Variants in SEC11A observed in about 807,000 individuals in gnomAD.
SEC11A encodes the protein signal peptidase complex catalytic subunit SEC11A.
In SEC11A, 14 loss-of-function variants were observed where a neutral mutation model predicts 25.6. The observed-to-expected ratio is 0.55, with a 90% confidence interval of 0.36 to 0.85. The LOEUF is 0.85. SEC11A is among the 40% of genes least tolerant of loss of function. The pLI is 0.01. For missense variants in SEC11A, 153 were observed against 222.9 expected, an observed-to-expected ratio of 0.69 and a Z score of 2.00; for synonymous variants, 83 against 76.4, an observed-to-expected ratio of 1.09 and a Z score of -0.45.
intron 3 of SEC11A, among the ~76,000 whole-genome samples, chr15:84,682,950 TA>T (rs1897317504): frequency 6.6e-6 from 1 of 152,144 alleles, no homozygotes; most frequent in African/African-American, 2.4e-5. Context: ...TATGGGCTAA[TA>T]TCCACTTAGA....
At chr15:84,679,846 G>A (rs1255212652) in intron 4 of SEC11A, 2 of 930,038 alleles carry the variant, frequency 2.2e-6, no homozygotes, top group Admixed American at 2.3e-5. Flanking sequence ...TACACAATAA[G>A]CCCTAATAAA....
chr15:84,703,633 C>G (rs1340098560), intron 1 of SEC11A, among the ~76,000 whole-genome samples: 1 of 152,100 alleles, frequency 6.6e-6, no homozygotes, highest in African/African-American at 2.4e-5. Context: ...CAGCTTCAAG[C>G]GATACAGCAG....
At chr15:84,700,929 G>A (rs1016664662) in intron 1 of SEC11A, among the ~76,000 whole-genome samples, 96 of 132,864 alleles carry the variant, frequency 7.2e-4, no homozygotes, top group Admixed American at 4.5e-4. Context: ...GCAGTAAGCC[G>A]ACATCACGCC....
chr15:84,696,282 T>C (rs1475745713), intron 1 of SEC11A, among the ~76,000 whole-genome samples: 1 of 152,178 alleles, frequency 6.6e-6, no homozygotes, highest in Non-Finnish European at 1.5e-5. Context: ...TTCTATGTTT[T>C]CAAGATGGTG....
chr15:84,700,661 A>G (rs1897906698), intron 1 of SEC11A, among the ~76,000 whole-genome samples: 1 of 147,074 alleles, frequency 6.8e-6, no homozygotes, highest in Non-Finnish European at 1.5e-5. Context: ...AAGTTAGCAC[A>G]TTAAGTAGAG....
intron 2 of SEC11A, 73 bp downstream of exon 2, chr15:84,691,462 A>G (rs1357611607): frequency 7.4e-6 from 6 of 809,190 alleles, no homozygotes; most frequent in Non-Finnish European, 1.3e-5. Context: ...ATGATATGCC[A>G]GTTATTTCAT....
At chr15:84,682,478 TCA>T (rs1257040964) in intron 3 of SEC11A, among the ~76,000 whole-genome samples, 1 of 152,220 alleles carries the variant, frequency 6.6e-6, no homozygotes, top group Non-Finnish European at 1.5e-5. Flanking sequence ...AGACAGAGTC[TCA>T]CACTGTCGCC....
intron 1 of SEC11A, among the ~76,000 whole-genome samples, chr15:84,693,792 T>C (rs1403356346): frequency 6.6e-6 from 1 of 152,110 alleles, no homozygotes; most frequent in Admixed American, 6.6e-5. Context: ...GATAATGGTG[T>C]TGTGGTTATG....
intron 1 of SEC11A, among the ~76,000 whole-genome samples, chr15:84,693,853 T>C (rs72750891): frequency 0.016 from 2,391 of 152,270 alleles, 29 homozygotes; most frequent in Non-Finnish European, 0.023. Flanking sequence ...AGTTAGCTAG[T>C]AGTTGTAGTT....
Position 84,692,824 on chromosome 15 carries a change from C to A in SEC11A, c.52-1180G>T, listed in dbSNP as rs1457498331. Among the ~76,000 whole-genome samples the A allele has an allele frequency of 2.0e-5, 3 of 152,150 alleles. 1 individual carries two copies. In the South Asian group the frequency reaches 6.2e-4, roughly 32 times the overall value. ...TAAACACAGGACTGAAACTGTGGATCTAACAAAATATTAGTAATATAAAGT... is the reference window on the plus strand; with the variant it reads ...TAAACACAGGACTGAAACTGTGGATATAACAAAATATTAGTAATATAAAGT... On this transcript the variant is annotated intron_variant, in intron 1 of 5. Transcript: ENST00000268220.
At chr15:84,695,116 A>T (rs2141901903) in intron 1 of SEC11A, among the ~76,000 whole-genome samples, 1 of 133,800 alleles carries the variant, frequency 7.5e-6, no homozygotes, top group East Asian at 2.2e-4. Flanking sequence ...AAAAAAAAAA[A>T]AGAAGGTAGA....
chr15:84,715,970 A>G, intron 1 of SEC11A, 55 bp downstream of exon 1: 1 of 1,561,980 alleles, frequency 6.4e-7, no homozygotes, highest in Non-Finnish European at 8.8e-7. Flanking sequence ...GCCCCGCAGC[A>G]GCAGCCTCGA....
At chr15:84,699,101 G>A (rs939697240) in intron 1 of SEC11A, among the ~76,000 whole-genome samples, 2 of 152,036 alleles carry the variant, frequency 1.3e-5, no homozygotes, top group African/African-American at 4.8e-5. Context: ...GATCACTTGA[G>A]GCCAGGAGTT....
chr15:84,674,770 G>A (rs1897093320), intron 4 of SEC11A, among the ~76,000 whole-genome samples: 1 of 152,000 alleles, frequency 6.6e-6, no homozygotes, highest in Non-Finnish European at 1.5e-5. Flanking sequence ...ACCTTGCTCA[G>A]GCTGGTCTCA....
At position 84,669,863 on chromosome 15, in the gene SEC11A, A is replaced by C; in HGVS notation, c.*156T>G. 6.3e-6 allele frequency: 9 copies of C among 1,434,230 alleles called. No individual in the cohort carries two copies. Among genetic ancestry groups the C allele is most frequent in the Non-Finnish European group, 8.6e-6 (9 of 1,051,920 alleles). The allele number at this position is 1,434,230 out of a possible 1,614,324, so 88.8% of individuals were successfully genotyped here. A position where few individuals can be genotyped will look rare whatever the true frequency, so the allele number is the denominator to read the frequency against. On this transcript the variant is annotated 3_prime_UTR_variant, in exon 6 of 6. Coordinates refer to ENST00000268220, the MANE Select transcript of SEC11A (RefSeq NM_014300.4). ...GTGGTGCACATGCGCCCGCCCACAC[A>C]AACTCTGGCATGGAAACATAAACTA... is the stretch of plus-strand genomic sequence containing the variant.
chr15:84,680,769 G>C lies in SEC11A; in HGVS notation c.375C>G (p.Leu125=). Residue 125 remains leucine, a synonymous_variant, in exon 4 of 6, where the codon CTC becomes CTG. Coordinates refer to ENST00000268220, the MANE Select transcript of SEC11A (RefSeq NM_014300.4). The part of the protein sequence containing the change: ...GDNNAVDDRG[L]YKQGQHWLEK... Reference sequence around the variant, plus strand: ...CTAGCCAATGTTGTCCTTGTTTATAGAGGCCTCGGTCATCAACCGCATTAT... The same window carrying C: ...CTAGCCAATGTTGTCCTTGTTTATACAGGCCTCGGTCATCAACCGCATTAT... 6.2e-7 allele frequency: 1 copy of C among 1,612,616 alleles called. No individual in the cohort carries two copies. Among genetic ancestry groups the C allele is most frequent in the Non-Finnish European group, 8.5e-7 (1 of 1,178,920 alleles).
At chr15:84,674,944 A>T (rs1208700852) in intron 4 of SEC11A, among the ~76,000 whole-genome samples, 8 of 152,222 alleles carry the variant, frequency 5.3e-5, no homozygotes, top group Non-Finnish European at 1.2e-4. Context: ...AATATAAGCA[A>T]GATCTAAGGA....
chr15:84,693,917 A>G (rs1897682244), intron 1 of SEC11A, among the ~76,000 whole-genome samples: 1 of 152,180 alleles, frequency 6.6e-6, no homozygotes, highest in South Asian at 2.1e-4. Context: ...GCAAAAGAAA[A>G]TTCTATATAT....
intron 1 of SEC11A, among the ~76,000 whole-genome samples, chr15:84,710,092 GT>G (rs1207322910): frequency 6.6e-6 from 1 of 152,148 alleles, no homozygotes; most frequent in Admixed American, 6.6e-5. Context: ...GAAGTAATAA[GT>G]CAGCCTTAAA....
Sources: gnomAD v4.1 joint callset for allele counts (sites outside exome capture counted in the v4.1 genomes callset) on GRCh38, gnomAD v4.1.1 for gene constraint, MANE v1.5 for transcripts, NCBI Gene and HGNC (gene_info 2026-07-23, HGNC 2026-07-21) for gene names.